Variants in DLGAP2 observed in about 807,000 individuals in gnomAD.
DLGAP2 encodes disks large-associated protein 2.
A neutral mutation model predicts 100.3 loss-of-function variants in DLGAP2; 26 were observed. That is an observed-to-expected ratio of 0.26 (90% confidence interval 0.19 to 0.36). DLGAP2 has a LOEUF of 0.36. Ranked by LOEUF, DLGAP2 falls within the 10% of genes least tolerant of loss-of-function variation. The pLI, the probability that DLGAP2 is intolerant of heterozygous loss-of-function variation, is 1.00. For synonymous variants in DLGAP2, 886 were observed against 630.1 expected, an observed-to-expected ratio of 1.41 and a Z score of -6.08; for missense variants, 1,858 against 1,453.2, an observed-to-expected ratio of 1.28 and a Z score of -4.53.
intron 2 of DLGAP2, among the ~76,000 whole-genome samples, chr8:1,130,807 AGC>A (rs889222500): frequency 6.4e-5 from 9 of 140,520 alleles, no homozygotes; most frequent in African/African-American, 2.2e-4. Flanking sequence ...CCAGCTCTGC[AGC>A]GGCTGGGCTG....
At chr8:793,196 G>A (rs1051257073) in intron 1 of DLGAP2, among the ~76,000 whole-genome samples, 1 of 152,068 alleles carries the variant, frequency 6.6e-6, no homozygotes, top group African/African-American at 2.4e-5. Flanking sequence ...TCTGTGGGTG[G>A]GAAAGCTCTT....
intron 4 of DLGAP2, among the ~76,000 whole-genome samples, chr8:1,541,831 A>T (rs1801370342): frequency 6.6e-6 from 1 of 152,236 alleles, no homozygotes; most frequent in East Asian, 1.9e-4. Context: ...GCTTCTTTTC[A>T]TGAGGAACTG....
At chr8:1,623,316 C>G (rs1003239113) in intron 6 of DLGAP2, among the ~76,000 whole-genome samples, 2 of 152,140 alleles carry the variant, frequency 1.3e-5, no homozygotes, top group Admixed American at 1.3e-4. Context: ...TGACCTGGCA[C>G]CAGTGTGTGA....
intron 2 of DLGAP2, among the ~76,000 whole-genome samples, chr8:1,216,929 C>T (rs1016597631): frequency 6.6e-6 from 1 of 152,110 alleles, no homozygotes; most frequent in Admixed American, 6.5e-5. Flanking sequence ...TACAGTGAGA[C>T]CTGGCAAGGA....
chr8:830,297 T>A (rs972369702), intron 1 of DLGAP2, among the ~76,000 whole-genome samples: 15 of 152,206 alleles, frequency 9.9e-5, no homozygotes, highest in Non-Finnish European at 5.9e-5. Flanking sequence ...TCCTTTTTGT[T>A]ACAAACAATC....
intron 2 of DLGAP2, among the ~76,000 whole-genome samples, chr8:1,186,575 C>T (rs547438489): frequency 6.6e-6 from 1 of 152,124 alleles, no homozygotes; most frequent in Non-Finnish European, 1.5e-5. Flanking sequence ...TACGGCCATT[C>T]CCTTTTTGTC....
At chr8:1,046,593 C>T (rs1802522319) in intron 2 of DLGAP2, among the ~76,000 whole-genome samples, 1 of 152,224 alleles carries the variant, frequency 6.6e-6, no homozygotes, top group South Asian at 2.1e-4. Flanking sequence ...GTGTTTCCTT[C>T]ATCCCCATAA....
chr8:845,531 T>C (rs928912045), intron 1 of DLGAP2, among the ~76,000 whole-genome samples: 5 of 152,228 alleles, frequency 3.3e-5, no homozygotes, highest in Admixed American at 2.0e-4. Flanking sequence ...TATTGGATAG[T>C]GAGGATTTAT....
At chr8:1,281,315 C>T (rs73170412) in intron 3 of DLGAP2, among the ~76,000 whole-genome samples, 4,182 of 152,222 alleles carry the variant, frequency 0.027, 70 homozygotes, top group Middle Eastern at 0.054. Context: ...GTGGAGGTGC[C>T]TCCGCCCCTC....
In DLGAP2 at chr8:858,658, C is replaced by T. The variant is rs117371954; in HGVS notation, c.19-49254C>T. Among the ~76,000 whole-genome samples the T allele has an allele frequency of 2.4e-4, 35 of 146,268 alleles. No homozygotes were observed. The East Asian group carries it at 4.2e-3, about 18-fold the overall frequency. On this transcript the variant is annotated intron_variant, in intron 1 of 14. Coordinates refer to ENST00000637795, the MANE Select transcript of DLGAP2 (RefSeq NM_001346810.2). Reference sequence around the variant, plus strand: ...GTGTGTGATGCTGTCACCGTGGGCACGTGAGATGCTGTCTCTGTGGGGACA... The same window carrying T: ...GTGTGTGATGCTGTCACCGTGGGCATGTGAGATGCTGTCTCTGTGGGGACA...
intron 10 of DLGAP2, among the ~76,000 whole-genome samples, chr8:1,673,971 T>TG: frequency 6.6e-6 from 1 of 152,342 alleles, no homozygotes; most frequent in South Asian, 2.1e-4. Flanking sequence ...TGCATGCCCC[T>TG]GGTCATTGTT....
chr8:1,241,353 C>T (rs182466263), intron 2 of DLGAP2, among the ~76,000 whole-genome samples: 3 of 145,156 alleles, frequency 2.1e-5, no homozygotes, highest in South Asian at 4.2e-4. Flanking sequence ...CACATGGCGC[C>T]GTGTCTAGTT....
intron 3 of DLGAP2, among the ~76,000 whole-genome samples, chr8:1,423,723 C>T (rs1797165248): frequency 6.6e-6 from 1 of 152,192 alleles, no homozygotes. Context: ...TGCAAGAGCA[C>T]TCCAAGGGAG....
chr8:1,066,437 A>G, intron 2 of DLGAP2, among the ~76,000 whole-genome samples: 1 of 143,744 alleles, frequency 7.0e-6, no homozygotes, highest in African/African-American at 2.6e-5. Flanking sequence ...GAGTGAGGGC[A>G]GCTCCCCACC....
intron 2 of DLGAP2, among the ~76,000 whole-genome samples, chr8:1,138,198 C>T (rs1349965173): frequency 6.6e-6 from 1 of 152,244 alleles, no homozygotes; most frequent in Non-Finnish European, 1.5e-5. Flanking sequence ...TTGGAAAGCG[C>T]AGCTCCTGGG....
intron 2 of DLGAP2, among the ~76,000 whole-genome samples, chr8:1,023,832 G>C (rs529244549): frequency 7.3e-6 from 1 of 136,184 alleles, no homozygotes; most frequent in African/African-American, 2.7e-5. Context: ...TGGTCTTTCC[G>C]TCTGCAAGTG....
intron 2 of DLGAP2, among the ~76,000 whole-genome samples, chr8:1,236,249 A>G (rs1482995883): frequency 2.3e-4 from 10 of 42,748 alleles, no homozygotes; most frequent in Non-Finnish European, 2.5e-4. Context: ...CACCATGTCT[A>G]GTTATCTCAC....
Position 1,697,171 on chromosome 8 carries a change from A to G in DLGAP2, c.2821A>G (p.Thr941Ala). Residue 941 changes from threonine to alanine, a missense_variant, in exon 14 of 15, where the codon ACG becomes GCG. Physicochemically the swap from Thr to Ala is moderately conservative, Grantham distance 58 (BLOSUM62 0). Coordinates refer to ENST00000637795, the MANE Select transcript of DLGAP2 (RefSeq NM_001346810.2). ...NMDPSAMPRP[T>A]SQDLAGYWDM... ...GGACCCCAGCGCCATGCCGAGGCCGACGTCGCAGGACCTGGCCGGCTACTG... is the reference window on the plus strand; with the variant it reads ...GGACCCCAGCGCCATGCCGAGGCCGGCGTCGCAGGACCTGGCCGGCTACTG... 2 of 1,601,736 alleles carry G rather than the reference A, an allele frequency of 1.2e-6. No homozygotes were observed. Among genetic ancestry groups the G allele is most frequent in the Non-Finnish European group, 1.7e-6 (2 of 1,172,702 alleles).
At chr8:1,457,176 T>G (rs1798339385) in intron 3 of DLGAP2, among the ~76,000 whole-genome samples, 1 of 152,202 alleles carries the variant, frequency 6.6e-6, no homozygotes, top group African/African-American at 2.4e-5. Context: ...GAGTAGGCCT[T>G]TTGTGTATTC....
Sources: gnomAD v4.1 joint callset for allele counts (sites outside exome capture counted in the v4.1 genomes callset) on GRCh38, gnomAD v4.1.1 for gene constraint, MANE v1.5 for transcripts, NCBI Gene and HGNC (gene_info 2026-07-23, HGNC 2026-07-21) for gene names.